The following SLC38A11 variants were observed in gnomAD, a reference collection of about 807,000 sequenced individuals.
The protein encoded by SLC38A11 is putative sodium-coupled neutral amino acid transporter 11.
Under a neutral mutation model 49.4 loss-of-function variants are expected in SLC38A11, and 51 were observed. That is an observed-to-expected ratio of 1.03 (90% CI 0.83 to 1.30). SLC38A11 has a LOEUF of 1.30. Ranked by LOEUF, SLC38A11 falls within the 50% of genes most tolerant of loss-of-function variation. SLC38A11 has a pLI of 0.00. For missense variants in SLC38A11, 574 were observed against 556.2 expected (o/e 1.03, Z -0.32); for synonymous variants, 203 against 192.9 (o/e 1.05, Z -0.43).
intron 7 of SLC38A11, among the ~76,000 whole-genome samples, chr2:164,926,728 C>T (rs932329061): frequency 3.9e-5 from 6 of 151,908 alleles, no homozygotes; most frequent in African/African-American, 9.7e-5. Flanking sequence ...ATGGATGAAG[C>T]TGGAAACCAT....
chr2:164,932,096 G>T (rs1687044649), intron 7 of SLC38A11, among the ~76,000 whole-genome samples: 1 of 151,910 alleles, frequency 6.6e-6, no homozygotes, highest in Non-Finnish European at 1.5e-5. Context: ...CCATTAAAAA[G>T]TAGGCAAAGG....
intron 7 of SLC38A11, among the ~76,000 whole-genome samples, chr2:164,928,443 A>G (rs932342113): frequency 6.6e-6 from 1 of 152,170 alleles, no homozygotes; most frequent in Non-Finnish European, 1.5e-5. Context: ...TCATTCATGC[A>G]TCCAGTTGAT....
At chr2:164,927,047 A>G (rs1168278879) in intron 7 of SLC38A11, among the ~76,000 whole-genome samples, 1 of 152,156 alleles carries the variant, frequency 6.6e-6, no homozygotes. Context: ...GGCCTTTAGG[A>G]GGTAATTAGG....
intron 5 of SLC38A11, among the ~76,000 whole-genome samples, chr2:164,943,108 C>T (rs994278860): frequency 2.6e-5 from 4 of 152,142 alleles, no homozygotes; most frequent in African/African-American, 2.4e-5. Flanking sequence ...TTTTTGCATC[C>T]ATCTCCTCAA....
At chr2:164,934,977 A>G (rs1358065477) in intron 7 of SLC38A11, among the ~76,000 whole-genome samples, 1 of 152,096 alleles carries the variant, frequency 6.6e-6, no homozygotes. Flanking sequence ...AGTCTGTAAT[A>G]CATACAGACT....
intron 10 of SLC38A11, among the ~76,000 whole-genome samples, chr2:164,910,332 G>T (rs1348495624): frequency 6.6e-6 from 1 of 152,078 alleles, no homozygotes; most frequent in Non-Finnish European, 1.5e-5. Context: ...ACGTGAGAAT[G>T]CACCATCTGT....
At chr2:164,928,523 G>T (rs2105482232) in intron 7 of SLC38A11, among the ~76,000 whole-genome samples, 1 of 152,190 alleles carries the variant, frequency 6.6e-6, no homozygotes, top group Admixed American at 6.6e-5. Context: ...TATATAGTGT[G>T]AACAAAGCAA....
intron 11 of SLC38A11, among the ~76,000 whole-genome samples, chr2:164,901,683 ATCATG>A (rs1684658875): frequency 6.6e-6 from 1 of 152,188 alleles, no homozygotes; most frequent in Admixed American, 6.6e-5. Context: ...CACATATAGA[ATCATG>A]TCATCGGCAA....
chr2:164,902,326 T>C (rs1433613935), intron 11 of SLC38A11, among the ~76,000 whole-genome samples: 1 of 152,088 alleles, frequency 6.6e-6, no homozygotes, highest in Non-Finnish European at 1.5e-5. Context: ...CAGCTGTTCA[T>C]GTGGTTTTAG....
rs201998439 is a variant in SLC38A11, at chr2:164,911,669, C to T, written c.930G>A (p.Leu310=). ...GRFCYGVTVI[L]TYPMECFVTR... The stretch of plus-strand genomic sequence containing the variant: ...TCACAAAGCATTCCATAGGGTATGT[C>T]AAAATGACAGTGACACCATAACAAA... The change falls in exon 10 of 12, where the codon TTG becomes TTA. Residue 310 remains leucine (L), a synonymous_variant. Transcript: ENST00000685975. 4.8e-5 allele frequency: 77 copies of T among 1,606,214 alleles called. No individual in the cohort carries two copies. In the Middle Eastern group the frequency reaches 6.6e-4, roughly 14 times the overall value.
intron 7 of SLC38A11, among the ~76,000 whole-genome samples, chr2:164,920,271 A>G (rs1686094387): frequency 8.6e-6 from 1 of 116,710 alleles, no homozygotes; most frequent in African/African-American, 3.3e-5. Flanking sequence ...ACAGAGCAAG[A>G]CTCCGTTAAA....
chr2:164,908,478 G>C (rs1471010380), intron 11 of SLC38A11, among the ~76,000 whole-genome samples, 162 bp downstream of exon 11: 1 of 152,084 alleles, frequency 6.6e-6, no homozygotes, highest in Non-Finnish European at 1.5e-5. Flanking sequence ...GTCCCACAAA[G>C]TGCACAGAAT....
chr2:164,913,681 A>G (rs1011286317), intron 9 of SLC38A11, among the ~76,000 whole-genome samples: 1 of 152,038 alleles, frequency 6.6e-6, no homozygotes, highest in African/African-American at 2.4e-5. Flanking sequence ...TATGTCTTAC[A>G]GAAAAGGCAT....
In SLC38A11 at chr2:164,952,654, G is replaced by A. The variant is rs886713178; in HGVS notation, c.229+53C>T. ...TGTGTGTGTGTGTGTGTGTATGTGT[G>A]TAGTTATTGCACAGTTGAAGTTGCA... On this transcript the variant is annotated intron_variant, in intron 3 of 11. Coordinates refer to ENST00000685975, the MANE Select transcript of SLC38A11 (RefSeq NM_001351537.2). The A allele has an allele frequency of 9.2e-6, 10 of 1,083,162 alleles. No individual in the cohort carries two copies. The African/African-American group carries it at 9.3e-5, about 10-fold the overall frequency. 67.1% of individuals were successfully genotyped at this position (1,083,162 alleles called of 1,614,324 possible). A position where few individuals can be genotyped will look rare whatever the true frequency, so the allele number is the denominator to read the frequency against.
At chr2:164,901,529 A>G (rs1441551370) in intron 11 of SLC38A11, among the ~76,000 whole-genome samples, 1 of 151,998 alleles carries the variant, frequency 6.6e-6, no homozygotes, top group African/African-American at 2.4e-5. Context: ...CATAAATGAT[A>G]TTGTTTTCTT....
chr2:164,953,357 A>G (rs751462), intron 2 of SLC38A11: 20,913 of 152,268 alleles, frequency 0.14, 1,810 homozygotes, highest in East Asian at 0.3. Context: ...ATGGACAATA[A>G]AATATTTAAA....
chr2:164,936,082 T>G (rs1042785820), intron 7 of SLC38A11, among the ~76,000 whole-genome samples: 1 of 152,218 alleles, frequency 6.6e-6, no homozygotes, highest in African/African-American at 2.4e-5. Flanking sequence ...TGTTTTTTTG[T>G]TATGACATTC....
rs1169706973 is a variant in SLC38A11, at chr2:164,915,160, T to C, written c.802A>G (p.Ile268Val). The C allele has an allele frequency of 6.2e-7, 1 of 1,611,924 alleles. No homozygotes were observed. The highest frequency in any genetic ancestry group is 2.2e-5 in the East Asian group (1 of 44,822). ...AAGTATCCACATGTAGCAAAGAATA[T>C]ACAGATAAATACAGAAATCACGATG... ...MSIVISVFICIFFATCGYLTF... is the reference protein window; with the variant it reads ...MSIVISVFICVFFATCGYLTF... Residue 268 changes from isoleucine to valine, a missense_variant, in exon 9 of 12, where the codon ATA becomes GTA. Coordinates refer to ENST00000685975, the MANE Select transcript of SLC38A11 (RefSeq NM_001351537.2).
chr2:164,922,655 C>G (rs1396112863), intron 7 of SLC38A11, among the ~76,000 whole-genome samples: 1 of 152,108 alleles, frequency 6.6e-6, no homozygotes, highest in Non-Finnish European at 1.5e-5. Flanking sequence ...AAGAACTATA[C>G]TACCCAAAGC....
Sources: gnomAD v4.1 joint callset for allele counts (sites outside exome capture counted in the v4.1 genomes callset) on GRCh38, gnomAD v4.1.1 for gene constraint, MANE v1.5 for transcripts, NCBI Gene and HGNC (gene_info 2026-07-23, HGNC 2026-07-21) for gene names.